The following AMOTL1 variants were observed in gnomAD, a reference collection of about 807,000 sequenced individuals.
The protein encoded by AMOTL1 is angiomotin like 1.
AMOTL1 carries 45 observed loss-of-function variants against 102.9 expected under a neutral mutation model. The ratio of observed to expected loss-of-function variants is 0.44; its 90% confidence interval spans 0.34 to 0.56. AMOTL1 has a LOEUF of 0.56. Ranked by LOEUF, AMOTL1 falls within the 20% of genes least tolerant of loss-of-function variation. AMOTL1 has a pLI of 0.01. For missense variants in AMOTL1, 1,114 were observed against 1,225.6 expected, an observed-to-expected ratio of 0.91 and a Z score of 1.36; for synonymous variants, 481 against 484.7, an observed-to-expected ratio of 0.99 and a Z score of 0.10.
In AMOTL1 at chr11:94,869,440, C is replaced by T. The variant is rs1373445872; in HGVS notation, c.2731C>T (p.His911Tyr). Residue 911 changes from histidine (H) to tyrosine (Y), a missense_variant, in exon 12 of 13, where the codon CAC (histidine) becomes TAC (tyrosine). Physicochemically the swap from His to Tyr is moderately conservative, Grantham distance 83. Coordinates refer to ENST00000433060, the MANE Select transcript of AMOTL1 (RefSeq NM_130847.3). Reference sequence around the variant, plus strand: ...CCCTGCTCACAGCCCCGTCCTGAAACACCCAGCGGCCAAAGGGACCGCAGA... The same window carrying T: ...CCCTGCTCACAGCCCCGTCCTGAAATACCCAGCGGCCAAAGGGACCGCAGA... ...TTPAHSPVLK[H>Y]PAAKGTAEKL... is the part of the protein sequence containing the mutation. The T allele has an allele frequency of 1.2e-6, 2 of 1,603,372 alleles. No homozygotes were observed. Among genetic ancestry groups the T allele is most frequent in the Non-Finnish European group, 1.7e-6 (2 of 1,175,294 alleles).
Position 94,821,750 on chromosome 11 carries a change from T to G in AMOTL1, c.1342T>G (p.Leu448Val). ...GCGAGCCCAGCAAATGGTGGAGATA[T>G]TAACAGAGGAGAACCGGGTGCTTCA... The part of the protein sequence containing the change: ...VERAQQMVEI[L>V]TEENRVLHQE... The change falls in exon 4 of 13, where the codon TTA becomes GTA. Residue 448 changes from leucine to valine, a missense_variant. Physicochemically the swap from Leu to Val is conservative, Grantham distance 32. Coordinates refer to ENST00000433060, the MANE Select transcript of AMOTL1 (RefSeq NM_130847.3). The G allele has an allele frequency of 6.2e-7, 1 of 1,614,002 alleles. No individual in the cohort carries two copies. Among genetic ancestry groups the G allele is most frequent in the Non-Finnish European group, 8.5e-7 (1 of 1,179,894 alleles).
intron 6 of AMOTL1, among the ~76,000 whole-genome samples, chr11:94,841,987 G>C (rs1952312171): frequency 6.6e-6 from 1 of 152,144 alleles, no homozygotes. Flanking sequence ...TTCTGGATAA[G>C]AGCAATAGAT....
intron 3 of AMOTL1, among the ~76,000 whole-genome samples, chr11:94,819,467 G>A (rs1290141833): frequency 2.6e-5 from 4 of 152,094 alleles, no homozygotes; most frequent in Non-Finnish European, 5.9e-5. Flanking sequence ...CCAGACTAAG[G>A]TGTAAGTGAC....
intron 3 of AMOTL1, among the ~76,000 whole-genome samples, chr11:94,746,143 A>T (rs1395747003): frequency 2.6e-5 from 4 of 152,116 alleles, no homozygotes; most frequent in Non-Finnish European, 5.9e-5. Context: ...CAAAAAGGGG[A>T]TTTTTTAAAA....
intron 3 of AMOTL1, among the ~76,000 whole-genome samples, chr11:94,802,135 A>C (rs1457592987): frequency 6.6e-6 from 1 of 152,218 alleles, no homozygotes; most frequent in Admixed American, 6.5e-5. Context: ...TTGGCCAGGC[A>C]GGAGAACGCA....
intron 1 of AMOTL1, among the ~76,000 whole-genome samples, chr11:94,716,829 A>C (rs997911532): frequency 6.6e-6 from 1 of 152,056 alleles, no homozygotes; most frequent in African/African-American, 2.4e-5. Context: ...CACTGAAGAG[A>C]GTGCGGCTTG....
chr11:94,731,144 G>A (rs1250223197), intron 2 of AMOTL1, among the ~76,000 whole-genome samples: 1 of 152,186 alleles, frequency 6.6e-6, no homozygotes, highest in African/African-American at 2.4e-5. Flanking sequence ...TAAAGAGAAG[G>A]TACTGCTTTT....
At chr11:94,793,599 C>T (rs189424131) in intron 1 of AMOTL1, among the ~76,000 whole-genome samples, 7 of 152,324 alleles carry the variant, frequency 4.6e-5, no homozygotes, top group African/African-American at 1.7e-4. Context: ...TTAGGACTTG[C>T]CTTTGCATCC....
chr11:94,771,807 A>G (rs1342794860), intron 1 of AMOTL1, among the ~76,000 whole-genome samples: 1 of 152,158 alleles, frequency 6.6e-6, no homozygotes, highest in Non-Finnish European at 1.5e-5. Context: ...GGGCTCACAC[A>G]TCAGGCATTT....
intron 1 of AMOTL1, among the ~76,000 whole-genome samples, chr11:94,787,825 C>T (rs560064789): frequency 2.7e-5 from 4 of 149,458 alleles, no homozygotes; most frequent in East Asian, 2.0e-4. Context: ...CACAAAGTGA[C>T]GTTGGGTAAC....
At chr11:94,758,844 G>A (rs946564922) in intron 3 of AMOTL1, among the ~76,000 whole-genome samples, 1 of 152,152 alleles carries the variant, frequency 6.6e-6, no homozygotes, top group Non-Finnish European at 1.5e-5. Context: ...AGCCCAGTAT[G>A]TACAACTGTG....
chr11:94,767,110 C>T (rs1472298314), upstream of AMOTL1, among the ~76,000 whole-genome samples: 6 of 152,148 alleles, frequency 3.9e-5, no homozygotes, highest in Admixed American at 3.9e-4. Flanking sequence ...CTTGGATCTC[C>T]TGCTTTGTTG....
chr11:94,727,474 C>T (rs1323524414), intron 1 of AMOTL1, among the ~76,000 whole-genome samples: 1 of 152,150 alleles, frequency 6.6e-6, no homozygotes, highest in Non-Finnish European at 1.5e-5. Context: ...CTCTTGTGTG[C>T]TGATGTCTCA....
intron 4 of AMOTL1, among the ~76,000 whole-genome samples, chr11:94,828,101 A>G (rs1343142841): frequency 2.6e-5 from 4 of 152,210 alleles, no homozygotes; most frequent in African/African-American, 9.6e-5. Flanking sequence ...TTCCTCAAAC[A>G]TGGTATCTCC....
intron 3 of AMOTL1, among the ~76,000 whole-genome samples, chr11:94,811,367 C>T (rs1249662141): frequency 2.0e-5 from 3 of 151,922 alleles, no homozygotes; most frequent in Non-Finnish European, 4.4e-5. Context: ...TGGTGGTGCA[C>T]GCCTGTAGTC....
At chr11:94,796,553 T>C (rs1426387508) in intron 2 of AMOTL1, among the ~76,000 whole-genome samples, 4 of 152,134 alleles carry the variant, frequency 2.6e-5, no homozygotes, top group Non-Finnish European at 5.9e-5. Context: ...ATTCAGCATG[T>C]CTAAATGGCT....
chr11:94,728,549 T>A (rs1442586936), intron 1 of AMOTL1, among the ~76,000 whole-genome samples: 1 of 152,174 alleles, frequency 6.6e-6, no homozygotes, highest in South Asian at 2.1e-4. Context: ...TTAGTTCAAG[T>A]TTTTTTAGTC....
intron 9 of AMOTL1, among the ~76,000 whole-genome samples, chr11:94,864,288 A>G (rs913738334): frequency 3.2e-4 from 49 of 152,118 alleles, no homozygotes; most frequent in African/African-American, 1.2e-3. Context: ...AGTGTCCATA[A>G]GTCAGTAGAT....
chr11:94,867,282 T>C (rs1242093735), intron 11 of AMOTL1, among the ~76,000 whole-genome samples: 1 of 152,152 alleles, frequency 6.6e-6, no homozygotes, highest in African/African-American at 2.4e-5. Flanking sequence ...AAGACGTGTG[T>C]GGACAGCAGC....
Sources: gnomAD v4.1 joint callset for allele counts (sites outside exome capture counted in the v4.1 genomes callset) on GRCh38, gnomAD v4.1.1 for gene constraint, MANE v1.5 for transcripts, NCBI Gene and HGNC (gene_info 2026-07-23, HGNC 2026-07-21) for gene names.